PIGO: variants seen among roughly 807,000 people sequenced by gnomAD.
The protein encoded by PIGO is phosphatidylinositol glycan anchor biosynthesis class O.
PIGO carries 66 observed loss-of-function variants against 86.9 expected under a neutral mutation model. The ratio of observed to expected loss-of-function variants is 0.76; its 90% CI spans 0.62 to 0.93. PIGO has a LOEUF of 0.93. Among genes scored for constraint, PIGO ranks in the 40% least tolerant of loss-of-function variants. PIGO has a pLI of 0.00. For synonymous variants in PIGO, 570 were observed against 556.4 expected (o/e 1.02, Z -0.34); for missense variants, 1,202 against 1,359.1 (o/e 0.88, Z 1.82).
intron 2 of PIGO, 32 bp from the exon 3 acceptor site, chr9:35,094,391 G>C: frequency 6.3e-7 from 1 of 1,586,844 alleles, no homozygotes; most frequent in Non-Finnish European, 8.5e-7. Context: ...GTCAGAGCCT[G>C]AGCAAACGTC....
At chr9:35,091,108 C>T in intron 7 of PIGO, 132 bp downstream of exon 7, 2 of 1,031,670 alleles carry the variant, frequency 1.9e-6, no homozygotes, top group South Asian at 1.7e-5. Context: ...ACCAAGAAGA[C>T]CTTCCTAGTT....
At position 35,094,506 on chromosome 9, in the gene PIGO, G is replaced by A. The variant is rs1013418292; in HGVS notation, c.512-147C>T. On this transcript the variant is annotated intron_variant, in intron 2 of 10. Coordinates refer to ENST00000378617, the MANE Select transcript of PIGO (RefSeq NM_032634.4). ...TCCATACAGCAATCCTTATCCTTCA[G>A]GGCCTAACATTTTCCACCAGGAAGC... 3.3e-6 allele frequency: 3 copies of A among 908,980 alleles called. No homozygotes were observed. In the Admixed American group the frequency reaches 9.8e-5, roughly 30 times the overall value. The allele number at this position is 908,980 out of a possible 1,614,324, so 56.3% of individuals were successfully genotyped here. A position where few individuals can be genotyped will look rare whatever the true frequency, so the allele number is the denominator to read the frequency against.
Position 35,095,554 on chromosome 9 carries a change from G to A in PIGO, c.12C>T (p.Ala4=). The A allele has an allele frequency of 6.4e-7, 1 of 1,569,512 alleles. No homozygotes were observed. The highest frequency in any genetic ancestry group is 8.6e-7 in the Non-Finnish European group (1 of 1,158,982). ...CCCAGGCCAGGAAGAGCAACACTGA[G>A]GCTTTCTGCATCCTGATAGGGGTGG... MQK[A]SVLLFLAWVC... The change falls in exon 2 of 11, where the codon GCC becomes GCT. Residue 4 remains alanine, a synonymous_variant. Coordinates refer to ENST00000378617, the MANE Select transcript of PIGO (RefSeq NM_032634.4).
Position 35,088,970 on chromosome 9 carries a change from T to C in PIGO, c.*122A>G. 2.9e-6 allele frequency: 4 copies of C among 1,374,218 alleles called. No individual in the cohort carries two copies. Among genetic ancestry groups the C allele is most frequent in the Non-Finnish European group, 4.0e-6 (4 of 1,006,086 alleles). The allele number at this position is 1,374,218 out of a possible 1,614,324, so 85.1% of individuals were successfully genotyped here. On this transcript the variant is annotated 3_prime_UTR_variant, in exon 11 of 11. Transcript: ENST00000378617. ...TGAAGTCCTAGATGTCAGCGGCCCC[T>C]GGCTGCATGATAGTAAGAGTATGGC... is the stretch of plus-strand genomic sequence containing the variant.
chr9:35,090,802 C>G, intron 7 of PIGO, 130 bp from the exon 8 acceptor site: 2 of 859,756 alleles, frequency 2.3e-6, no homozygotes, highest in South Asian at 3.6e-5. Context: ...ATCAGCCCAA[C>G]CTCCTTACAG....
Position 35,092,234 on chromosome 9 carries a change from T to A in PIGO, c.1653A>T (p.Leu551Phe). 1 of 1,613,240 alleles carries A rather than the reference T, an allele frequency of 6.2e-7. No homozygotes were observed. The highest frequency in any genetic ancestry group is 8.5e-7 in the Non-Finnish European group (1 of 1,179,816). ...TLFPIPGPVL[L>F]LLLFRLAVFF... Reference sequence around the variant, plus strand: ...ACACAGCCAAGCGAAACAGCAGGAGTAACAGGACGGGCCCAGGGATGGGAA... The same window carrying A: ...ACACAGCCAAGCGAAACAGCAGGAGAAACAGGACGGGCCCAGGGATGGGAA... The change falls in exon 7 of 11, where the codon TTA (leucine) becomes TTT (phenylalanine). Residue 551 changes from leucine (L) to phenylalanine (F), a missense_variant. Coordinates refer to ENST00000378617, the MANE Select transcript of PIGO (RefSeq NM_032634.4).
At position 35,091,909 on chromosome 9, in the gene PIGO, T is replaced by C; in HGVS notation, c.1978A>G (p.Met660Val). Reference sequence around the variant, plus strand: ...AAATTCTTGGCTCGACCACCCACCATGGATGCCAGAGGACTCAGCCAGGGA... The same window carrying C: ...AAATTCTTGGCTCGACCACCCACCACGGATGCCAGAGGACTCAGCCAGGGA... ...SSPWLSPLAS[M>V]VGGRAKNLWY... The change falls in exon 7 of 11, where the codon ATG (methionine) becomes GTG (valine). Residue 660 changes from methionine (M) to valine (V), a missense_variant. Met to Val is a conservative substitution (Grantham distance 21). Transcript: ENST00000378617. The C allele has an allele frequency of 1.2e-6, 2 of 1,614,182 alleles. No individual in the cohort carries two copies. Among genetic ancestry groups the C allele is most frequent in the South Asian group, 1.1e-5 (1 of 91,088 alleles).
In PIGO at chr9:35,091,372, C is replaced by T; in HGVS notation, c.2515G>A (p.Ala839Thr). ...GSVYSAAMVT[A>T]LTLLAFPLLL... ...AGTGGGAAGGCCAACAGGGTGAGGG[C>T]TGTGACCATAGCAGCTGAGTAGACA... The change falls in exon 7 of 11, where the codon GCC becomes ACC. Residue 839 changes from alanine (A) to threonine (T), a missense_variant. By Grantham distance (58) the Ala-to-Thr change is moderately conservative. Coordinates refer to ENST00000378617, the MANE Select transcript of PIGO (RefSeq NM_032634.4). 1.9e-6 allele frequency: 3 copies of T among 1,614,224 alleles called. No individual in the cohort carries two copies. The highest frequency in any genetic ancestry group is 2.5e-6 in the Non-Finnish European group (3 of 1,180,034).
chr9:35,091,185 G>A (rs1829398404), intron 7 of PIGO, 55 bp downstream of exon 7: 4 of 1,500,946 alleles, frequency 2.7e-6, no homozygotes, highest in African/African-American at 2.8e-5. Context: ...GAAAACAAGA[G>A]GGGCCGAACT....
chr9:35,088,909 G>T lies in PIGO; in HGVS notation c.*183C>A. On this transcript the variant is annotated 3_prime_UTR_variant, in exon 11 of 11. Transcript: ENST00000378617. ...AGATGCATCCAAATCAGGAGTTAGG[G>T]ATCATACTCCACTGTGGTCCTGAAT... is the stretch of plus-strand genomic sequence containing the variant. The T allele has an allele frequency of 2.4e-6, 2 of 820,772 alleles. No individual in the cohort carries two copies. The highest frequency in any genetic ancestry group is 2.5e-5 in the Admixed American group (1 of 40,000). 50.8% of individuals were successfully genotyped at this position (820,772 alleles called of 1,614,324 possible). A position where few individuals can be genotyped will look rare whatever the true frequency, so the allele number is the denominator to read the frequency against.
Position 35,092,173 on chromosome 9 carries a change from C to T in PIGO, c.1714G>A (p.Ala572Thr). Residue 572 changes from alanine to threonine, a missense_variant, in exon 7 of 11, where the codon GCC becomes ACC. Ala to Thr is a moderately conservative substitution (Grantham distance 58, BLOSUM62 0). Transcript: ENST00000378617. ...SDSFVVAEAR[A>T]TPFLLGSFIL... The stretch of plus-strand genomic sequence containing the variant: ...AATGAGCCCAAAAGGAAGGGGGTGG[C>T]CCTGGCCTCAGCTACAACAAAACTA... 6.2e-7 allele frequency: 1 copy of T among 1,614,170 alleles called. No homozygotes were observed. The highest frequency in any genetic ancestry group is 8.5e-7 in the Non-Finnish European group (1 of 1,180,040).
rs375182208 is a variant in PIGO at position 35,091,932 on chromosome 9, G to T, written c.1955C>A (p.Pro652His). ...CATGGATGCCAGAGGACTCAGCCAGGGAGAGGAGTGGCAAACAGGTGTCTC... is the reference window on the plus strand; with the variant it reads ...CATGGATGCCAGAGGACTCAGCCAGTGAGAGGAGTGGCAAACAGGTGTCTC... ...PEETPVCHSS[P>H]WLSPLASMVG... The change falls in exon 7 of 11, where the codon CCC (proline) becomes CAC (histidine). Residue 652 changes from proline to histidine, a missense_variant. Physicochemically the swap from Pro to His is moderately conservative, Grantham distance 77. Coordinates refer to ENST00000378617, the MANE Select transcript of PIGO (RefSeq NM_032634.4). The T allele has an allele frequency of 3.7e-6, 6 of 1,614,112 alleles. No homozygotes were observed. Among genetic ancestry groups the T allele is most frequent in the Non-Finnish European group, 5.1e-6 (6 of 1,180,054 alleles).
intron 4 of PIGO, 61 bp from the exon 5 acceptor site, chr9:35,093,641 A>G (rs939032326): frequency 2.2e-5 from 33 of 1,513,328 alleles, no homozygotes; most frequent in Non-Finnish European, 2.4e-5. Flanking sequence ...AAAAAGAAAA[A>G]AGATTTTTCT....
In PIGO at chr9:35,092,268, G is replaced by T. The variant is rs1488869656; in HGVS notation, c.1619C>A (p.Ala540Glu). 4 of 1,614,114 alleles carry T rather than the reference G, an allele frequency of 2.5e-6. No individual in the cohort carries two copies. In the African/African-American group the frequency reaches 4.0e-5, roughly 16 times the overall value. Residue 540 changes from alanine to glutamate, a missense_variant, in exon 7 of 11, where the codon GCA becomes GAA. By Grantham distance (107) the Ala-to-Glu change is moderately radical. Transcript: ENST00000378617. Reference sequence around the variant, plus strand: ...GGGCCCAGGGATGGGAAACAGGGTTGCCAGGGGCCTCTTGGACCCCCAGCC... The same window carrying T: ...GGGCCCAGGGATGGGAAACAGGGTTTCCAGGGGCCTCTTGGACCCCCAGCC... The part of the protein sequence containing the change: ...WAGWGSKRPL[A>E]TLFPIPGPVL...
At position 35,092,685 on chromosome 9, in the gene PIGO, G is replaced by A; in HGVS notation, c.1202C>T (p.Ser401Phe). Residue 401 changes from serine to phenylalanine, a missense_variant, in exon 7 of 11, where the codon TCC becomes TTC. Ser to Phe is a radical substitution (Grantham distance 155). Transcript: ENST00000378617. The stretch of plus-strand genomic sequence containing the variant: ...CCACTGGTAGTCAGCAGAGGCCTTG[G>A]AGAAGAGGTTCTGCAGCTGATGAAG... ...KELHQLQNLF[S>F]KASADYQWLL... 6.2e-7 allele frequency: 1 copy of A among 1,614,182 alleles called. No homozygotes were observed. The highest frequency in any genetic ancestry group is 1.3e-5 in the African/African-American group (1 of 75,074).
Position 35,092,553 on chromosome 9 carries a change from C to G in PIGO, c.1334G>C (p.Arg445Pro). The change falls in exon 7 of 11, where the codon CGT (arginine) becomes CCT (proline). Residue 445 changes from arginine to proline, a missense_variant. Coordinates refer to ENST00000378617, the MANE Select transcript of PIGO (RefSeq NM_032634.4). ...CCCCGCCATGCGGACCAGAGAGAAA[C>G]GAGCCCAAGACTCGATGCACATGGC... ...ARAMCIESWA[R>P]FSLVRMAGGT... 1.9e-6 allele frequency: 3 copies of G among 1,614,214 alleles called. No individual in the cohort carries two copies. The highest frequency in any genetic ancestry group is 1.3e-5 in the African/African-American group (1 of 75,062).
In PIGO at chr9:35,093,054, T is replaced by G. The variant is rs771034645; in HGVS notation, c.1095A>C (p.Ser365=). ...QPHSSALAQA[S]ALHLNAQQVS... is the part of the protein sequence containing the mutation. ...CCTGCTGAGCATTGAGATGGAGAGC[T>G]GAGGCTTGGGCTAAAGCAGAGGAGT... Residue 365 remains serine (S), a synonymous_variant, in exon 6 of 11, where the codon TCA becomes TCC. Transcript: ENST00000378617. 2 of 1,611,554 alleles carry G rather than the reference T, an allele frequency of 1.2e-6. No homozygotes were observed. The highest frequency in any genetic ancestry group is 2.7e-5 in the African/African-American group (2 of 75,014).
chr9:35,093,924 A>C lies in PIGO; in HGVS notation c.756T>G (p.Leu252=). 1 of 1,614,144 alleles carries C rather than the reference A, an allele frequency of 6.2e-7. No homozygotes were observed. Among genetic ancestry groups the C allele is most frequent in the Non-Finnish European group, 8.5e-7 (1 of 1,179,998 alleles). Residue 252 remains leucine, a synonymous_variant, in exon 4 of 11, where the codon CTT becomes CTG. Transcript: ENST00000378617. ...ACTGGATCACCTGGTCCATCTGGCT[A>C]AGTTTCTTGGCCATTTCAGGGTGGT... The part of the protein sequence containing the change: ...GPHHPEMAKK[L]SQMDQVIQGL...
rs1458657249 is a variant in PIGO at position 35,093,433 on chromosome 9, G to A, written c.927C>T (p.Ser309=). The A allele has an allele frequency of 6.2e-7, 1 of 1,614,168 alleles. No homozygotes were observed. The highest frequency in any genetic ancestry group is 8.5e-7 in the Non-Finnish European group (1 of 1,180,018). The change falls in exon 5 of 11, where the codon AGC becomes AGT. Residue 309 remains serine, a synonymous_variant. Transcript: ENST00000378617. ...FLYSPTAVFP[S]TPPEEPEVIP... is the part of the protein sequence containing the mutation. ...TCCCAGGCCTCACCTCTGGTGGGGT[G>A]CTGGGGAAGACTGCTGTGGGGCTAT...
Sources: allele counts gnomAD v4.1 joint callset, GRCh38; gene constraint gnomAD v4.1.1; transcripts MANE v1.5; gene names NCBI Gene and HGNC (gene_info 2026-07-23, HGNC 2026-07-21).